Variants in DMD observed in about 807,000 individuals in gnomAD.
DMD encodes the protein mutant dystrophin.
Under a neutral mutation model 330.1 loss-of-function variants are expected in DMD, and 63 were observed. The observed-to-expected ratio is 0.19, with a 90% confidence interval of 0.16 to 0.24. DMD has a LOEUF of 0.24. Among genes scored for constraint, DMD ranks in the 10% least tolerant of loss-of-function variants. DMD has a pLI of 1.00. For synonymous variants in DMD, 1,223 were observed against 959.8 expected (o/e 1.27, Z -5.07); for missense variants, 3,344 against 2,684.1 (o/e 1.25, Z -5.43).
intron 55 of DMD, among the ~76,000 whole-genome samples, chrX:31,589,394 A>G (rs1404556268): frequency 9.0e-6 from 1 of 110,916 alleles, no homozygotes; most frequent in Non-Finnish European, 1.9e-5. Flanking sequence ...TCCCTGACTT[A>G]TTGGGGGTCC....
chrX:32,840,549 TGG>T (rs1158245016), intron 4 of DMD, among the ~76,000 whole-genome samples: 1 of 111,727 alleles, frequency 9.0e-6, no homozygotes, highest in Non-Finnish European at 1.9e-5. Flanking sequence ...GGTCAAAACA[TGG>T]AACAGTGAGC....
At position 32,347,488 on chromosome X, in the gene DMD, T is replaced by C. The variant is rs769125641; in HGVS notation, c.5448+918A>G. 2.7e-5 allele frequency among the ~76,000 whole-genome samples: 3 copies of C among 111,559 alleles called. No individual in the cohort carries two copies. The East Asian group carries it at 8.5e-4, about 32-fold the overall frequency. On this transcript the variant is annotated intron_variant, in intron 38 of 78. Transcript: ENST00000357033. ...CTCTTCCGTCTTTCCACAAGCTGAG[T>C]TGGCAAGGCCACCAAACCCCATACA...
At position 32,342,021 on chromosome X, in the gene DMD, CTTTTTT is replaced by C. The variant is rs3833416; in HGVS notation, c.5922+73_5922+78del. On this transcript the variant is annotated intron_variant, in intron 41 of 78. Coordinates refer to ENST00000357033, the MANE Select transcript of DMD (RefSeq NM_004006.3). Reference sequence around the variant, plus strand: ...AAAACTGTACCCAGATTTTTTGTCTCTTTTTTTTTTATTAGTAGGCCTCTGTTAATA... The same window carrying C: ...AAAACTGTACCCAGATTTTTTGTCTCTTTTATTAGTAGGCCTCTGTTAATA... 2.0e-4 allele frequency: 200 copies of C among 985,924 alleles called. 1 individual carries two copies. In the African/African-American group the frequency reaches 3.9e-3, roughly 19 times the overall value. The allele number at this position is 985,924 out of a possible 1,213,427, so 81.3% of individuals were successfully genotyped here.
chrX:31,224,483 A>C (rs1285195116), intron 63 of DMD, among the ~76,000 whole-genome samples: 1 of 112,202 alleles, frequency 8.9e-6, no homozygotes, highest in Non-Finnish European at 1.9e-5. Flanking sequence ...ATTTTGTTTA[A>C]AAGACCGGAA....
At chrX:32,386,680 T>C (rs1249864180) in intron 32 of DMD, among the ~76,000 whole-genome samples, 1 of 108,713 alleles carries the variant, frequency 9.2e-6, no homozygotes, top group Non-Finnish European at 1.9e-5. Context: ...ATGTGTCATT[T>C]GCAGCTATTC....
chrX:31,232,452 G>A (rs1194409901), intron 63 of DMD, among the ~76,000 whole-genome samples: 1 of 111,907 alleles, frequency 8.9e-6, no homozygotes, highest in African/African-American at 3.3e-5. Context: ...CTTAGAAAAT[G>A]ACCTGCTGGT....
At chrX:31,345,142 C>A in intron 61 of DMD, among the ~76,000 whole-genome samples, 1 of 112,126 alleles carries the variant, frequency 8.9e-6, no homozygotes, top group Non-Finnish European at 1.9e-5. Context: ...AGCTTTTAAG[C>A]GTATATTGAT....
At chrX:31,727,375 C>G (rs775784611) in intron 52 of DMD, among the ~76,000 whole-genome samples, 5 of 111,858 alleles carry the variant, frequency 4.5e-5, no homozygotes, top group Non-Finnish European at 9.4e-5. Context: ...GTATGGCTAT[C>G]TTACCAAATC....
Position 32,809,630 on chromosome X carries a change from C to T in DMD, c.531-19G>A. 8.9e-7 allele frequency: 1 copy of T among 1,117,422 alleles called. No individual in the cohort carries two copies. The allele number at this position is 1,117,422 out of a possible 1,213,427, so 92.1% of individuals were successfully genotyped here. A position where few individuals can be genotyped will look rare whatever the true frequency, so the allele number is the denominator to read the frequency against. The stretch of plus-strand genomic sequence containing the variant: ...GTCTGGCCTAAAACACATACACATA[C>T]ACACATACACAAAGACAAATATAAA... On this transcript the variant is annotated intron_variant, in intron 6 of 78. Transcript: ENST00000357033.
Position 32,386,300 on chromosome X carries a change from A to C in DMD, c.4674+10T>G, listed in dbSNP as rs1488532734. ...GGAAAGAAGTGTTTGTGGTCTCAGC[A>C]TGCACACACCTTTGCTCCCAGCTCA... On this transcript the variant is annotated intron_variant, in intron 33 of 78. Transcript: ENST00000357033. The C allele has an allele frequency of 1.7e-6, 2 of 1,208,437 alleles. No individual in the cohort carries two copies. The highest frequency in any genetic ancestry group is 5.9e-5 in the East Asian group (2 of 33,753).
intron 2 of DMD, among the ~76,000 whole-genome samples, chrX:32,927,392 G>A (rs1175018390): frequency 1.8e-5 from 1 of 55,692 alleles, no homozygotes; most frequent in Non-Finnish European, 3.1e-5. Flanking sequence ...TTTTTTGATG[G>A]AATTTCACTC....
intron 44 of DMD, among the ~76,000 whole-genome samples, chrX:32,001,501 C>T (rs2095626691): frequency 9.1e-6 from 1 of 110,116 alleles, no homozygotes; most frequent in Non-Finnish European, 1.9e-5. Flanking sequence ...AGGGAAGACG[C>T]TAGCGGGTCT....
rs398123940 is a variant in DMD, at chrX:32,454,819, T to C, written c.3446A>G (p.Lys1149Arg). The C allele has an allele frequency of 8.3e-7, 1 of 1,207,539 alleles. No individual in the cohort carries two copies. Among genetic ancestry groups the C allele is most frequent in the Non-Finnish European group, 1.1e-6 (1 of 893,131 alleles). ...DHMCQQVYAR[K>R]EALKGGLEKT... is the part of the protein sequence containing the mutation. ...CTCCAAACCTCCCTTCAAGGCCTCC[T>C]TTCTGGCATAGACCTTCCACAAAAC... Residue 1149 changes from lysine (K) to arginine (R), a missense_variant, in exon 26 of 79, where the codon AAG (lysine) becomes AGG (arginine). Physicochemically the swap from Lys to Arg is conservative, Grantham distance 26. Transcript: ENST00000357033.
intron 62 of DMD, among the ~76,000 whole-genome samples, chrX:31,295,793 A>C (rs1446546179): frequency 1.8e-5 from 2 of 112,087 alleles, no homozygotes. Flanking sequence ...GTGCTACAAT[A>C]AATTAAAACC....
chrX:31,794,954 T>C (rs987165201), intron 50 of DMD, among the ~76,000 whole-genome samples: 3 of 112,108 alleles, frequency 2.7e-5, no homozygotes, highest in Non-Finnish European at 3.8e-5. Flanking sequence ...AGTTTATAAA[T>C]AGCTTGCAGA....
At chrX:31,522,353 C>CTATATATA (rs1476139332) in intron 55 of DMD, among the ~76,000 whole-genome samples, 2 of 62,828 alleles carry the variant, frequency 3.2e-5, no homozygotes, top group Admixed American at 2.0e-4. Context: ...CTCTCTCTCT[C>CTATATATA]TCTCTCTCTC....
intron 55 of DMD, among the ~76,000 whole-genome samples, chrX:31,570,881 C>A (rs1346158602): frequency 8.9e-6 from 1 of 111,753 alleles, no homozygotes; most frequent in Non-Finnish European, 1.9e-5. Context: ...GTTACTTAAG[C>A]TTCAAAGAAA....
At chrX:33,180,964 C>G (rs2049970181) in intron 1 of DMD, among the ~76,000 whole-genome samples, 1 of 108,456 alleles carries the variant, frequency 9.2e-6, no homozygotes, top group Admixed American at 9.9e-5. Flanking sequence ...TAAGTAATAC[C>G]TCTTCACTTT....
chrX:32,219,959 T>TA (rs1396550396), intron 43 of DMD, among the ~76,000 whole-genome samples: 4 of 13,150 alleles, frequency 3.0e-4, no homozygotes, highest in African/African-American at 4.9e-4. Context: ...ATCTACAAGT[T>TA]TCTACAAGTT....
Sources: gnomAD v4.1 joint callset for allele counts (sites outside exome capture counted in the v4.1 genomes callset) on GRCh38, gnomAD v4.1.1 for gene constraint, MANE v1.5 for transcripts, NCBI Gene and HGNC (gene_info 2026-07-23, HGNC 2026-07-21) for gene names.